Variants in LRRTM4 observed in about 807,000 individuals in gnomAD.
LRRTM4 encodes leucine-rich repeat transmembrane neuronal protein 4.
A neutral mutation model predicts 47.6 loss-of-function variants in LRRTM4; 25 were observed. That is an observed-to-expected ratio of 0.53 (90% CI 0.38 to 0.73). The LOEUF (loss-of-function observed/expected upper bound fraction) is 0.73, where lower values mean the gene tolerates loss of function less well. Among genes scored for constraint, LRRTM4 ranks in the 30% least tolerant of loss-of-function variants. LRRTM4 has a pLI of 0.00. For synonymous variants in LRRTM4, 311 were observed against 269.5 expected (o/e 1.15, Z -1.51); for missense variants, 638 against 713.4 (o/e 0.89, Z 1.20).
intron 3 of LRRTM4, among the ~76,000 whole-genome samples, chr2:77,437,387 A>G (rs2103919467): frequency 6.6e-6 from 1 of 152,206 alleles, no homozygotes; most frequent in East Asian, 1.9e-4. Context: ...CAAGAAAACA[A>G]GGTAATTGCA....
intron 3 of LRRTM4, among the ~76,000 whole-genome samples, chr2:76,944,051 C>T (rs536533522): frequency 2.0e-5 from 3 of 152,238 alleles, no homozygotes; most frequent in African/African-American, 4.8e-5. Context: ...AACATATGAT[C>T]GCCCTACTCT....
chr2:77,129,200 C>CT (rs1177619714), intron 3 of LRRTM4, among the ~76,000 whole-genome samples: 2 of 152,200 alleles, frequency 1.3e-5, no homozygotes, highest in African/African-American at 4.8e-5. Flanking sequence ...TTGTTACTGT[C>CT]TGCTATGAAG....
intron 3 of LRRTM4, among the ~76,000 whole-genome samples, chr2:77,324,930 G>T (rs1351567300): frequency 6.6e-6 from 1 of 152,138 alleles, no homozygotes; most frequent in East Asian, 1.9e-4. Context: ...GAAGGTAGCT[G>T]AATCAACAAT....
chr2:77,360,628 C>T (rs1259329493), intron 3 of LRRTM4, among the ~76,000 whole-genome samples: 7 of 151,712 alleles, frequency 4.6e-5, no homozygotes, highest in Non-Finnish European at 1.0e-4. Context: ...TGAACTAGCC[C>T]ACAAAAGTAA....
chr2:77,010,986 C>T (rs1443455639), intron 3 of LRRTM4, among the ~76,000 whole-genome samples: 1 of 152,056 alleles, frequency 6.6e-6, no homozygotes, highest in African/African-American at 2.4e-5. Context: ...TAACATTATT[C>T]ATCCATATAG....
intron 3 of LRRTM4, among the ~76,000 whole-genome samples, chr2:77,399,622 C>T (rs575288483): frequency 1.3e-5 from 2 of 151,838 alleles, no homozygotes; most frequent in South Asian, 4.1e-4. Flanking sequence ...AACTAAAGAC[C>T]GTTTAGTGAG....
intron 3 of LRRTM4, among the ~76,000 whole-genome samples, chr2:77,502,222 T>C (rs1430712601): frequency 6.6e-6 from 1 of 151,606 alleles, no homozygotes; most frequent in Non-Finnish European, 1.5e-5. Context: ...ACTTACATTA[T>C]TATTTTTGTG....
chr2:77,210,046 A>T (rs1022779392), intron 3 of LRRTM4, among the ~76,000 whole-genome samples: 1 of 152,178 alleles, frequency 6.6e-6, no homozygotes, highest in Non-Finnish European at 1.5e-5. Flanking sequence ...CAGACACTAC[A>T]TCAATGCATT....
chr2:76,791,048 T>G (rs1674944273), intron 3 of LRRTM4, among the ~76,000 whole-genome samples: 1 of 152,170 alleles, frequency 6.6e-6, no homozygotes, highest in African/African-American at 2.4e-5. Flanking sequence ...GGTAATTTAC[T>G]GGGGCTATAA....
intron 3 of LRRTM4, among the ~76,000 whole-genome samples, chr2:77,455,443 C>T (rs1676493746): frequency 6.6e-6 from 1 of 152,092 alleles, no homozygotes. Context: ...CACCTGAAAT[C>T]CAAGTGGCTC....
chr2:77,070,763 T>A (rs1024510509), intron 3 of LRRTM4, among the ~76,000 whole-genome samples: 1 of 152,104 alleles, frequency 6.6e-6, no homozygotes, highest in Non-Finnish European at 1.5e-5. Flanking sequence ...CCTGAGTAGC[T>A]GGGACTACAG....
At position 76,776,434 on chromosome 2, in the gene LRRTM4, T is replaced by C. The variant is rs865932478; in HGVS notation, c.1552-27518A>G. Among the ~76,000 whole-genome samples, 7 of 152,310 alleles carry C rather than the reference T, an allele frequency of 4.6e-5. No homozygotes were observed. The South Asian group carries it at 1.5e-3, about 32-fold the overall frequency. ...TCCAGCACCTGTTGTTTCCTGACTT[T>C]TGAAAGATTGCCATTCTAACTGGTG... On this transcript the variant is annotated intron_variant, in intron 3 of 3. Coordinates refer to ENST00000409884, the MANE Select transcript of LRRTM4 (RefSeq NM_001134745.3).
chr2:76,996,014 A>C (rs948819174), intron 3 of LRRTM4, among the ~76,000 whole-genome samples: 1 of 147,970 alleles, frequency 6.8e-6, no homozygotes, highest in Non-Finnish European at 1.5e-5. Flanking sequence ...TATAAAGTGA[A>C]TCTACCTAAA....
chr2:77,089,511 T>C (rs148018291), intron 3 of LRRTM4, among the ~76,000 whole-genome samples: 1 of 151,630 alleles, frequency 6.6e-6, no homozygotes, highest in Non-Finnish European at 1.5e-5. Context: ...CTTATTTCCA[T>C]GCCCTGACCT....
intron 3 of LRRTM4, among the ~76,000 whole-genome samples, chr2:77,210,263 A>G (rs1674255024): frequency 6.6e-6 from 1 of 152,112 alleles, no homozygotes; most frequent in Non-Finnish European, 1.5e-5. Flanking sequence ...TTCTTATCTC[A>G]CAACACAAAA....
chr2:77,053,094 A>G (rs531719196), intron 3 of LRRTM4, among the ~76,000 whole-genome samples: 9 of 152,294 alleles, frequency 5.9e-5, no homozygotes, highest in African/African-American at 1.9e-4. Context: ...GTCCTTGGTG[A>G]TAACTACAAC....
intron 3 of LRRTM4, among the ~76,000 whole-genome samples, chr2:76,841,497 T>C (rs1327294941): frequency 6.6e-6 from 1 of 152,004 alleles, no homozygotes; most frequent in East Asian, 1.9e-4. Flanking sequence ...CAATTTACTG[T>C]CTTTAAAAGT....
intron 3 of LRRTM4, among the ~76,000 whole-genome samples, chr2:77,502,822 C>T (rs895691714): frequency 3.3e-5 from 5 of 151,548 alleles, no homozygotes; most frequent in Non-Finnish European, 7.4e-5. Context: ...AGGATTTCTG[C>T]AACGGCTTCC....
At chr2:76,849,196 G>A (rs1671922184) in intron 3 of LRRTM4, among the ~76,000 whole-genome samples, 2 of 152,066 alleles carry the variant, frequency 1.3e-5, no homozygotes. Context: ...TGACAGTGCA[G>A]AGAAGAGAAA....
Sources: gnomAD v4.1 joint callset for allele counts (sites outside exome capture counted in the v4.1 genomes callset) on GRCh38, gnomAD v4.1.1 for gene constraint, MANE v1.5 for transcripts, NCBI Gene and HGNC (gene_info 2026-07-23, HGNC 2026-07-21) for gene names.